The following CLDN16 variants were observed in gnomAD, a reference collection of about 807,000 sequenced individuals.
The protein encoded by CLDN16 is claudin-16.
In CLDN16, 13 loss-of-function variants were observed where a neutral mutation model predicts 24.6. The observed-to-expected ratio is 0.53, with a 90% CI of 0.34 to 0.84. The LOEUF (loss-of-function observed/expected upper bound fraction) is 0.84, where lower values mean the gene tolerates loss of function less well. Among genes scored for constraint, CLDN16 ranks in the 40% least tolerant of loss-of-function variants. The pLI is 0.01. For missense variants in CLDN16, 298 were observed against 292.7 expected, an observed-to-expected ratio of 1.02 and a Z score of -0.13; for synonymous variants, 116 against 106.7, an observed-to-expected ratio of 1.09 and a Z score of -0.54.
At chr3:190,395,556 G>C (rs769525888) in intron 1 of CLDN16, among the ~76,000 whole-genome samples, 1 of 151,858 alleles carries the variant, frequency 6.6e-6, no homozygotes, top group Non-Finnish European at 1.5e-5. Context: ...GTAGTCAAAC[G>C]TTATTTACTA....
At chr3:190,397,447 A>T (rs182152468) in intron 1 of CLDN16, among the ~76,000 whole-genome samples, 8 of 152,310 alleles carry the variant, frequency 5.3e-5, no homozygotes, top group Non-Finnish European at 8.8e-5. Flanking sequence ...GATATTTGAA[A>T]CATCAGTCTG....
At chr3:190,313,826 T>C in the CLDN16 span, among the ~76,000 whole-genome samples, 1 of 152,190 alleles carries the variant, frequency 6.6e-6, no homozygotes, top group Admixed American at 6.5e-5. Context: ...GTGTACTAAC[T>C]CATGATCAAA....
chr3:190,312,764 C>T, the CLDN16 span: 8 of 1,219,346 alleles, frequency 6.6e-6, no homozygotes, highest in African/African-American at 7.5e-5. Context: ...TCTATGTTTG[C>T]AGTTTGCCTT....
chr3:190,319,833 G>A (rs1197125905), upstream of CLDN16, among the ~76,000 whole-genome samples: 3 of 152,202 alleles, frequency 2.0e-5, no homozygotes, highest in African/African-American at 4.8e-5. Context: ...GCTGGTGGGC[G>A]TAAACACCAC....
chr3:190,410,261 C>T lies in CLDN16; in HGVS notation c.*225C>T. On this transcript the variant is annotated 3_prime_UTR_variant, in exon 5 of 5. Coordinates refer to ENST00000264734, the MANE Select transcript of CLDN16 (RefSeq NM_006580.4). ...CTTCCACCTTATGCACACACTTTCC[C>T]TATATTTTAAGATAAGTCTGCTAGG... The T allele has an allele frequency of 1.9e-6, 1 of 536,202 alleles. No homozygotes were observed. Among genetic ancestry groups the T allele is most frequent in the East Asian group, 3.3e-5 (1 of 30,088 alleles). The allele number at this position is 536,202 out of a possible 1,614,324, so 33.2% of individuals were successfully genotyped here. A position where few individuals can be genotyped will look rare whatever the true frequency, so the allele number is the denominator to read the frequency against.
the CLDN16 span, chr3:190,313,103 C>T: frequency 1.3e-6 from 2 of 1,563,202 alleles, no homozygotes; most frequent in Non-Finnish European, 1.8e-6. Flanking sequence ...TGGAAGAAGA[C>T]CAAGTATATG....
chr3:190,297,632 A>C, the CLDN16 span, among the ~76,000 whole-genome samples: 5 of 142,186 alleles, frequency 3.5e-5, no homozygotes, highest in South Asian at 1.1e-3. Context: ...ATAATATATA[A>C]TATATAATAT....
intron 1 of CLDN16, among the ~76,000 whole-genome samples, chr3:190,346,498 T>C (rs896417255): frequency 1.3e-5 from 2 of 152,256 alleles, no homozygotes; most frequent in Admixed American, 6.5e-5. Context: ...TTTTATTTTA[T>C]GCTTACTATA....
At chr3:190,303,643 G>A in the CLDN16 span, among the ~76,000 whole-genome samples, 4 of 152,266 alleles carry the variant, frequency 2.6e-5, no homozygotes, top group East Asian at 7.7e-4. Context: ...GGACTCTCCT[G>A]AAAATTGCAC....
intron 1 of CLDN16, among the ~76,000 whole-genome samples, chr3:190,324,450 T>G (rs1165971585): frequency 6.6e-6 from 1 of 152,140 alleles, no homozygotes; most frequent in Non-Finnish European, 1.5e-5. Context: ...GCCACTGCAC[T>G]CCAGCCTGGG....
At chr3:190,296,444 G>T in the CLDN16 span, among the ~76,000 whole-genome samples, 1 of 152,042 alleles carries the variant, frequency 6.6e-6, no homozygotes, top group Non-Finnish European at 1.5e-5. Flanking sequence ...ATGTGCACTT[G>T]TTACATCTCA....
chr3:190,334,398 G>T (rs770851870), intron 1 of CLDN16, among the ~76,000 whole-genome samples: 38 of 152,222 alleles, frequency 2.5e-4, no homozygotes, highest in Non-Finnish European at 5.4e-4. Context: ...ATGGAATAAA[G>T]AGACTGAGAA....
chr3:190,380,142 T>TCC (rs1553806942), intron 3 of CLDN16, among the ~76,000 whole-genome samples: 1,638 of 9,330 alleles, frequency 0.18, 444 homozygotes, highest in Non-Finnish European at 0.22. Flanking sequence ...CTTCCTTCCT[T>TCC]TTCTTCCTTC....
chr3:190,404,820 AT>A lies in CLDN16; in HGVS notation c.279del (p.Leu94SerfsTer10). ...CTGCAGATATTCTAGCTGGGTTTGG[AT>A]TTCTCACCCTGCTCCTTGGTCTTGA... ...ITADILAGFG[F>X]LTLLLGLDCV... is the part of the protein sequence containing the mutation. On this transcript the variant is annotated frameshift_variant, in exon 3 of 5. Coordinates refer to ENST00000264734, the MANE Select transcript of CLDN16 (RefSeq NM_006580.4). LOFTEE classifies it high-confidence loss of function. The A allele has an allele frequency of 6.2e-7, 1 of 1,613,822 alleles. No homozygotes were observed. Among genetic ancestry groups the A allele is most frequent in the Non-Finnish European group, 8.5e-7 (1 of 1,179,974 alleles).
At chr3:190,297,878 A>G in the CLDN16 span, among the ~76,000 whole-genome samples, 1 of 151,496 alleles carries the variant, frequency 6.6e-6, no homozygotes, top group East Asian at 1.9e-4. Context: ...GTTAAGTTGG[A>G]CACGTATCAT....
intron 2 of CLDN16, among the ~76,000 whole-genome samples, chr3:190,371,355 T>C (rs146580619): frequency 1.9e-4 from 29 of 151,978 alleles, no homozygotes; most frequent in African/African-American, 6.7e-4. Flanking sequence ...TGCTTGCTCA[T>C]GATAATTTCT....
chr3:190,385,610 T>G (rs2108656206), upstream of CLDN16, among the ~76,000 whole-genome samples: 1 of 152,084 alleles, frequency 6.6e-6, no homozygotes. Flanking sequence ...TCCAGAGATA[T>G]GTATGCACAT....
At chr3:190,317,906 C>T (rs970280049), upstream of CLDN16, among the ~76,000 whole-genome samples, 2 of 152,186 alleles carry the variant, frequency 1.3e-5, no homozygotes, top group African/African-American at 4.8e-5. Flanking sequence ...TCTCCCTTTG[C>T]ATCTGTAGTT....
At chr3:190,291,644 C>T in the CLDN16 span, among the ~76,000 whole-genome samples, 1 of 152,116 alleles carries the variant, frequency 6.6e-6, no homozygotes, top group Non-Finnish European at 1.5e-5. Context: ...TTAAATATTA[C>T]ATCTTTCACA....
Sources: gnomAD v4.1 joint callset for allele counts (sites outside exome capture counted in the v4.1 genomes callset) on GRCh38, gnomAD v4.1.1 for gene constraint, MANE v1.5 for transcripts, NCBI Gene and HGNC (gene_info 2026-07-23, HGNC 2026-07-21) for gene names.